The following CSMD1 variants were observed in gnomAD, a reference collection of about 807,000 sequenced individuals.
CSMD1 encodes the protein CUB and sushi domain-containing protein 1.
In CSMD1, 213 loss-of-function variants were observed where a neutral mutation model predicts 417.5. The ratio of observed to expected loss-of-function variants is 0.51; its 90% CI spans 0.46 to 0.57. The LOEUF is 0.57. Among genes scored for constraint, CSMD1 ranks in the 20% least tolerant of loss-of-function variants. CSMD1 has a pLI of 0.00. For missense variants in CSMD1, 6,923 were observed against 4,529.7 expected (o/e 1.53, Z -15.17); for synonymous variants, 2,862 against 1,736.8 (o/e 1.65, Z -16.11).
chr8:4,174,609 A>G (rs1447845532), intron 3 of CSMD1, among the ~76,000 whole-genome samples: 1 of 149,462 alleles, frequency 6.7e-6, no homozygotes, highest in Non-Finnish European at 1.5e-5. Flanking sequence ...AGCCTCTTTT[A>G]TAATAATTAA....
At chr8:4,087,821 C>G (rs962707145) in intron 3 of CSMD1, among the ~76,000 whole-genome samples, 1 of 151,864 alleles carries the variant, frequency 6.6e-6, no homozygotes, top group Non-Finnish European at 1.5e-5. Context: ...ATTATTTTCC[C>G]TTTGTCACCT....
chr8:3,053,536 G>T (rs150181040), intron 49 of CSMD1, among the ~76,000 whole-genome samples: 251 of 152,266 alleles, frequency 1.6e-3, no homozygotes, highest in African/African-American at 5.6e-3. Flanking sequence ...GGCACTCGGG[G>T]AAGATTCCCA....
chr8:3,148,137 T>G (rs1818959725), intron 40 of CSMD1, among the ~76,000 whole-genome samples: 1 of 152,128 alleles, frequency 6.6e-6, no homozygotes, highest in Non-Finnish European at 1.5e-5. Flanking sequence ...ATGGTTTGGG[T>G]GTTAATAGGA....
chr8:4,275,198 G>C (rs1276670965), intron 3 of CSMD1, among the ~76,000 whole-genome samples: 1 of 152,050 alleles, frequency 6.6e-6, no homozygotes, highest in African/African-American at 2.4e-5. Context: ...TAGTTTTTAA[G>C]ATAAATTATT....
At chr8:4,163,075 G>T (rs977157043) in intron 3 of CSMD1, among the ~76,000 whole-genome samples, 1 of 152,132 alleles carries the variant, frequency 6.6e-6, no homozygotes, top group Non-Finnish European at 1.5e-5. Context: ...GGTTAATTTT[G>T]TTTTAGCAAT....
chr8:3,861,562 C>CCA (rs1804711989), intron 5 of CSMD1, among the ~76,000 whole-genome samples: 1 of 152,270 alleles, frequency 6.6e-6, no homozygotes, highest in Non-Finnish European at 1.5e-5. Context: ...GTGAGCATTA[C>CCA]TTGGGAATGG....
chr8:2,990,951 C>A (rs888710173), intron 54 of CSMD1, among the ~76,000 whole-genome samples: 5 of 152,220 alleles, frequency 3.3e-5, no homozygotes, highest in African/African-American at 4.8e-5. Context: ...GCCTTTCCCA[C>A]ATTTCAATGT....
chr8:3,989,288 C>G (rs1453644131), intron 5 of CSMD1, among the ~76,000 whole-genome samples: 3 of 152,182 alleles, frequency 2.0e-5, no homozygotes, highest in East Asian at 1.9e-4. Context: ...AGTCATAAAA[C>G]CAAGACTACA....
intron 3 of CSMD1, among the ~76,000 whole-genome samples, chr8:4,248,250 C>T (rs979089301): frequency 3.3e-5 from 5 of 152,226 alleles, no homozygotes; most frequent in Non-Finnish European, 5.9e-5. Context: ...AGTCCAGGAA[C>T]ATTCAAGTCT....
chr8:3,671,112 T>C (rs1463447225), intron 7 of CSMD1, among the ~76,000 whole-genome samples: 10 of 147,146 alleles, frequency 6.8e-5, no homozygotes, highest in African/African-American at 1.2e-4. Context: ...GGGATATATA[T>C]GTATATGGGA....
At chr8:4,272,454 G>A (rs1182932240) in intron 3 of CSMD1, among the ~76,000 whole-genome samples, 1 of 151,988 alleles carries the variant, frequency 6.6e-6, no homozygotes, top group Non-Finnish European at 1.5e-5. Context: ...CTAAAACCAG[G>A]ATTCTATGAG....
chr8:4,272,680 T>A (rs1007805406), intron 3 of CSMD1, among the ~76,000 whole-genome samples: 2 of 152,150 alleles, frequency 1.3e-5, no homozygotes, highest in Admixed American at 1.3e-4. Context: ...TAGATGAACA[T>A]AAAATATATT....
chr8:4,377,383 G>C (rs1427408916), intron 3 of CSMD1, among the ~76,000 whole-genome samples: 1 of 152,130 alleles, frequency 6.6e-6, no homozygotes, highest in African/African-American at 2.4e-5. Context: ...TTTTCTTTTA[G>C]TCGTTATATC....
At chr8:4,367,652 G>C (rs900817868) in intron 3 of CSMD1, among the ~76,000 whole-genome samples, 1 of 152,030 alleles carries the variant, frequency 6.6e-6, no homozygotes, top group Non-Finnish European at 1.5e-5. Context: ...TGCTTTGGGT[G>C]GTATGATGAT....
At chr8:3,437,655 T>C (rs977176269) in intron 12 of CSMD1, among the ~76,000 whole-genome samples, 1 of 152,234 alleles carries the variant, frequency 6.6e-6, no homozygotes, top group Non-Finnish European at 1.5e-5. Context: ...TAATTTATTA[T>C]TAACATTAAT....
At chr8:3,226,154 G>A (rs1337074629) in intron 27 of CSMD1, among the ~76,000 whole-genome samples, 3 of 152,182 alleles carry the variant, frequency 2.0e-5, no homozygotes, top group Non-Finnish European at 4.4e-5. Flanking sequence ...AGGATGCTCT[G>A]TTGTCCCTAA....
At chr8:3,290,432 C>T (rs1286461468) in intron 25 of CSMD1, among the ~76,000 whole-genome samples, 1 of 146,260 alleles carries the variant, frequency 6.8e-6, no homozygotes, top group Non-Finnish European at 1.5e-5. Context: ...TGGCCATTTT[C>T]ACAATATTGA....
chr8:4,708,949 C>T (rs990061900), intron 1 of CSMD1, among the ~76,000 whole-genome samples: 1 of 152,098 alleles, frequency 6.6e-6, no homozygotes, highest in Non-Finnish European at 1.5e-5. Context: ...AGAAAGAGGC[C>T]TCAGAAAAGA....
chr8:3,453,906 G>T (rs1815924812), intron 12 of CSMD1, among the ~76,000 whole-genome samples: 1 of 152,182 alleles, frequency 6.6e-6, no homozygotes, highest in South Asian at 2.1e-4. Flanking sequence ...GATGTTGACA[G>T]TAGGGTGTTA....
Sources: allele counts gnomAD v4.1 joint callset (sites outside exome capture counted in the v4.1 genomes callset), GRCh38; gene constraint gnomAD v4.1.1; transcripts MANE v1.5; gene names NCBI Gene and HGNC (gene_info 2026-07-23, HGNC 2026-07-21).